The following RBP2 variants were observed in gnomAD, a reference collection of about 807,000 sequenced individuals.
The protein encoded by RBP2 is retinol binding protein 2, also known as retinol-binding protein 2.
RBP2 carries 17 observed loss-of-function variants against 17.0 expected under a neutral mutation model. The ratio of observed to expected loss-of-function variants is 1.00; its 90% CI spans 0.68 to 1.50. RBP2 has a LOEUF of 1.50. Among genes scored for constraint, RBP2 ranks in the 40% most tolerant of loss-of-function variants. The probability of loss-of-function intolerance (pLI) is 0.00; values close to 1 mark genes in which losing one functional copy is unlikely to be tolerated. For synonymous variants in RBP2, 48 were observed against 57.1 expected (o/e 0.84, Z 0.72); for missense variants, 158 against 168.2 (o/e 0.94, Z 0.33).
intron 2 of RBP2, among the ~76,000 whole-genome samples, chr3:139,456,117 G>A (rs1030093460): frequency 6.6e-6 from 1 of 152,062 alleles, no homozygotes; most frequent in African/African-American, 2.4e-5. Context: ...GTTCTTCTTC[G>A]GGGATGACCC....
In RBP2 at chr3:139,456,918, T is replaced by C. The variant is rs577687676; in HGVS notation, c.253-2088A>G. 4.3e-4 allele frequency among the ~76,000 whole-genome samples: 65 copies of C among 152,296 alleles called. 1 individual carries two copies. Among genetic ancestry groups the C allele is most frequent in the African/African-American group, 1.3e-3 (53 of 41,550 alleles). ...CTTCCTTGCTCTTTTGGGAGGAAGATGTCTGGAATAATAATTTGCTCTTTC... is the reference window on the plus strand; with the variant it reads ...CTTCCTTGCTCTTTTGGGAGGAAGACGTCTGGAATAATAATTTGCTCTTTC... On this transcript the variant is annotated intron_variant, in intron 2 of 3. Coordinates refer to ENST00000232217, the MANE Select transcript of RBP2 (RefSeq NM_004164.3).
At chr3:139,454,608 A>C (rs1188178884) in intron 3 of RBP2, 121 bp downstream of exon 3, 1 of 844,924 alleles carries the variant, frequency 1.2e-6, no homozygotes, top group African/African-American at 1.7e-5. Context: ...GACCACATGC[A>C]TTTGGCTGGA....
chr3:139,455,505 T>C (rs1943380168), intron 2 of RBP2, among the ~76,000 whole-genome samples: 1 of 152,208 alleles, frequency 6.6e-6, no homozygotes, highest in African/African-American at 2.4e-5. Context: ...CTCTCTCTTA[T>C]ACAGGGCACA....
chr3:139,453,208 C>T, intron 3 of RBP2, 42 bp from the exon 4 acceptor site: 2 of 1,610,916 alleles, frequency 1.2e-6, no homozygotes, highest in Non-Finnish European at 1.7e-6. Context: ...CAAGCCAGGC[C>T]TTTCTTCTGC....
Position 139,453,096 on chromosome 3 carries a change from G to A in RBP2, c.*20C>T. 1 of 1,614,046 alleles carries A rather than the reference G, an allele frequency of 6.2e-7. No individual in the cohort carries two copies. Reference sequence around the variant, plus strand: ...GTGGGCAGTGGGGAGCTTGTGCTTGGCAGGCCTCCCACGTCGCCATCATTT... The same window carrying A: ...GTGGGCAGTGGGGAGCTTGTGCTTGACAGGCCTCCCACGTCGCCATCATTT... On this transcript the variant is annotated 3_prime_UTR_variant, in exon 4 of 4. Transcript: ENST00000232217.
chr3:139,454,865 T>A (rs375635921), intron 2 of RBP2, 35 bp from the exon 3 acceptor site: 1 of 1,588,228 alleles, frequency 6.3e-7, no homozygotes, highest in Admixed American at 1.7e-5. Flanking sequence ...ATCAAACACA[T>A]GGTCTTGAGG....
intron 1 of RBP2, among the ~76,000 whole-genome samples, chr3:139,467,101 C>G (rs1933392594): frequency 6.6e-6 from 1 of 152,132 alleles, no homozygotes; most frequent in Non-Finnish European, 1.5e-5. Context: ...TGTGTTCTTC[C>G]CCACCACACC....
intron 2 of RBP2, among the ~76,000 whole-genome samples, chr3:139,460,166 G>A (rs1216188330): frequency 6.6e-6 from 1 of 152,188 alleles, no homozygotes; most frequent in African/African-American, 2.4e-5. Flanking sequence ...GCACTGATTG[G>A]GTTGGAACAG....
chr3:139,453,407 C>G (rs983159483), intron 3 of RBP2, among the ~76,000 whole-genome samples: 2 of 152,244 alleles, frequency 1.3e-5, no homozygotes, highest in African/African-American at 4.8e-5. Context: ...AAATGACCCT[C>G]TTGGGCAGGA....
intron 1 of RBP2, among the ~76,000 whole-genome samples, chr3:139,471,593 A>G (rs189448125): frequency 6.6e-6 from 1 of 152,358 alleles, no homozygotes; most frequent in Admixed American, 6.5e-5. Flanking sequence ...AAATAGTTAC[A>G]ATTTATGGAA....
At chr3:139,459,893 G>A (rs1290047335) in intron 2 of RBP2, among the ~76,000 whole-genome samples, 3 of 152,040 alleles carry the variant, frequency 2.0e-5, no homozygotes, top group Non-Finnish European at 4.4e-5. Context: ...CAAAGAGGAG[G>A]CAAGCTGTGG....
rs1933210568 is a variant in RBP2 at position 139,462,124 on chromosome 3, G to C, written c.240C>G (p.Asn80Lys). Residue 80 changes from asparagine to lysine, a missense_variant, in exon 2 of 4, where the codon AAC becomes AAG. Asn to Lys is a moderately conservative substitution (Grantham distance 94). Coordinates refer to ENST00000232217, the MANE Select transcript of RBP2 (RefSeq NM_004164.3). ...EFDEYTKSLD[N>K]RHVKALVTWE... ...CCCCGGTCAGTACCTTAACATGCCG[G>C]TTATCCAGGCTCTTTGTGTACTCGT... The C allele has an allele frequency of 6.2e-7, 1 of 1,614,024 alleles. No individual in the cohort carries two copies. Among genetic ancestry groups the C allele is most frequent in the Admixed American group, 1.7e-5 (1 of 60,004 alleles).
At chr3:139,458,240 CAGT>C (rs942259271) in intron 2 of RBP2, among the ~76,000 whole-genome samples, 1 of 151,826 alleles carries the variant, frequency 6.6e-6, no homozygotes, top group Admixed American at 6.6e-5. Context: ...CATTGAAGGA[CAGT>C]ATTCACATGC....
In RBP2 at chr3:139,452,993, C is replaced by T. The variant is rs560998538; in HGVS notation, c.*123G>A. 4.6e-4 allele frequency: 499 copies of T among 1,086,132 alleles called. 2 individuals are homozygous for T. In the African/African-American group the frequency reaches 6.8e-3, roughly 15 times the overall value. The allele number at this position is 1,086,132 out of a possible 1,614,324, so 67.3% of individuals were successfully genotyped here. On this transcript the variant is annotated 3_prime_UTR_variant, in exon 4 of 4. Transcript: ENST00000232217. Reference sequence around the variant, plus strand: ...ACATAGGCATTCTGTTTAAAACCCACCCAGATGCCTTAATGGGGCTCTGTC... The same window carrying T: ...ACATAGGCATTCTGTTTAAAACCCATCCAGATGCCTTAATGGGGCTCTGTC...
rs1021841654 is a variant in RBP2 at position 139,460,004 on chromosome 3, G to C, written c.252+2108C>G. ...AAGAAAGGTAGGAGTGTGTTAACAC[G>C]TGGAATTCATTAAGGGCTGGAAGGG... On this transcript the variant is annotated intron_variant, in intron 2 of 3. Coordinates refer to ENST00000232217, the MANE Select transcript of RBP2 (RefSeq NM_004164.3). Among the ~76,000 whole-genome samples the C allele has an allele frequency of 2.0e-5, 3 of 152,190 alleles. No individual in the cohort carries two copies. In the East Asian group the frequency reaches 5.8e-4, roughly 29 times the overall value.
At chr3:139,469,928 C>G (rs555334227) in intron 1 of RBP2, among the ~76,000 whole-genome samples, 2 of 152,278 alleles carry the variant, frequency 1.3e-5, no homozygotes, top group African/African-American at 4.8e-5. Context: ...AAGCAGATAG[C>G]CTGGGCTCCT....
intron 2 of RBP2, among the ~76,000 whole-genome samples, chr3:139,456,908 G>C (rs1001880197): frequency 1.3e-5 from 2 of 152,114 alleles, no homozygotes. Flanking sequence ...TTGCTCTTTT[G>C]GGAGGAAGAT....
intron 1 of RBP2, among the ~76,000 whole-genome samples, chr3:139,465,757 G>A (rs1194538638): frequency 6.6e-6 from 1 of 152,136 alleles, no homozygotes; most frequent in Non-Finnish European, 1.5e-5. Context: ...CCACCAAATG[G>A]CAATTGTTTT....
intron 1 of RBP2, among the ~76,000 whole-genome samples, chr3:139,465,258 G>A (rs544857140): frequency 2.0e-5 from 3 of 152,300 alleles, no homozygotes; most frequent in Admixed American, 2.0e-4. Context: ...GAGCCATGCT[G>A]TGTGGACTCT....
Sources: allele counts gnomAD v4.1 joint callset (sites outside exome capture counted in the v4.1 genomes callset), GRCh38; gene constraint gnomAD v4.1.1; transcripts MANE v1.5; gene names NCBI Gene and HGNC (gene_info 2026-07-23, HGNC 2026-07-21).